Variants in DPYSL2 observed in about 807,000 individuals in gnomAD.
DPYSL2 encodes the protein dihydropyrimidinase-related protein 2.
DPYSL2 carries 13 observed loss-of-function variants against 69.9 expected under a neutral mutation model. That is an observed-to-expected ratio of 0.19 (90% CI 0.12 to 0.30). The LOEUF is 0.30. DPYSL2 is among the 10% of genes least tolerant of loss of function. DPYSL2 has a pLI of 1.00. For synonymous variants in DPYSL2, 326 were observed against 359.1 expected (o/e 0.91, Z 1.04); for missense variants, 587 against 918.9 (o/e 0.64, Z 4.67).
rs925167586 is a variant in DPYSL2, at chr8:26,556,677, C to T, written c.355-25292C>T. On this transcript the variant is annotated intron_variant, in intron 1 of 13. Coordinates refer to ENST00000521913, the MANE Select transcript of DPYSL2 (RefSeq NM_001197293.3). ...GATAGATGGATTGTCATGATCTTCC[C>T]GGTTTGATCCACACATTAGATACAA... Among the ~76,000 whole-genome samples the T allele has an allele frequency of 9.9e-5, 15 of 151,806 alleles. No individual in the cohort carries two copies. In the East Asian group the frequency reaches 1.7e-3, roughly 18 times the overall value.
intron 8 of DPYSL2, among the ~76,000 whole-genome samples, chr8:26,635,471 T>C (rs942048939): frequency 6.6e-5 from 10 of 152,206 alleles, no homozygotes; most frequent in South Asian, 2.1e-4. Flanking sequence ...TTCCAGTGCT[T>C]CCTCTAGAGG....
chr8:26,586,030 G>GAGGC lies in DPYSL2; in HGVS notation c.628+2048_628+2051dup. Among the ~76,000 whole-genome samples, 2 of 152,282 alleles carry GAGGC rather than the reference G, an allele frequency of 1.3e-5. No individual in the cohort carries two copies. Among genetic ancestry groups the GAGGC allele is most frequent in the Middle Eastern group, 3.4e-3 (1 of 294 alleles). On this transcript the variant is annotated intron_variant, in intron 3 of 13. Transcript: ENST00000521913. This position sits in a 1 kb window ranked among gnomAD's most constrained non-coding sequence, Gnocchi z 4.7. ...GAGGCAGGAGAATCTTTGAACCTGG[G>GAGGC]AGGCGGAGGTTGCAGGGAGCTGAGA...
chr8:26,531,413 A>G (rs1479577797), intron 1 of DPYSL2, among the ~76,000 whole-genome samples: 2 of 152,126 alleles, frequency 1.3e-5, no homozygotes, highest in African/African-American at 4.8e-5. Flanking sequence ...AAGAGATTTT[A>G]GGGCTGGAGA....
chr8:26,592,554 C>T (rs1483277121), intron 3 of DPYSL2, among the ~76,000 whole-genome samples: 1 of 150,932 alleles, frequency 6.6e-6, no homozygotes, highest in Non-Finnish European at 1.5e-5. Flanking sequence ...TGGCTCACTG[C>T]AACCTCCACC....
intron 3 of DPYSL2, among the ~76,000 whole-genome samples, chr8:26,615,624 A>G (rs956566213): frequency 4.6e-5 from 7 of 152,124 alleles, no homozygotes; most frequent in African/African-American, 1.4e-4. Context: ...TCTGTATACC[A>G]GTCCCCCTGC....
Position 26,593,284 on chromosome 8 carries a change from C to A in DPYSL2, c.628+9301C>A, listed in dbSNP as rs888805063. On this transcript the variant is annotated intron_variant, in intron 3 of 13. Coordinates refer to ENST00000521913, the MANE Select transcript of DPYSL2 (RefSeq NM_001197293.3). The surrounding 1 kb of genome is among the most constrained non-coding windows in gnomAD (Gnocchi z 5.7). ...ATTAGAATCCCCTGGGGAGTTGTAA[C>A]AAAATGCAGAGACCAGACCTTCTGA... 2.0e-5 allele frequency among the ~76,000 whole-genome samples: 3 copies of A among 152,038 alleles called. No homozygotes were observed. The highest frequency in any genetic ancestry group is 7.2e-5 in the African/African-American group (3 of 41,402).
At chr8:26,631,768 G>T (rs1174806564) in intron 7 of DPYSL2, among the ~76,000 whole-genome samples, 1 of 152,072 alleles carries the variant, frequency 6.6e-6, no homozygotes, top group Non-Finnish European at 1.5e-5. Flanking sequence ...GAGGCGAGGA[G>T]GGGGGATGCA....
At chr8:26,519,281 T>C (rs1031489265) in intron 1 of DPYSL2, among the ~76,000 whole-genome samples, 23 of 152,204 alleles carry the variant, frequency 1.5e-4, no homozygotes, top group Admixed American at 4.6e-4. Context: ...TATCATTGAA[T>C]GTCAGAGCTT....
At chr8:26,530,872 T>C (rs1313700866) in intron 1 of DPYSL2, among the ~76,000 whole-genome samples, 1 of 152,076 alleles carries the variant, frequency 6.6e-6, no homozygotes, top group Non-Finnish European at 1.5e-5. Flanking sequence ...CCTTATATGC[T>C]AGGTCTTGAC....
rs547864145 is a variant in DPYSL2, at chr8:26,586,806, C to T, written c.628+2823C>T. Among the ~76,000 whole-genome samples, 1 of 152,250 alleles carries T rather than the reference C, an allele frequency of 6.6e-6. No individual in the cohort carries two copies. The highest frequency in any genetic ancestry group is 2.1e-4 in the South Asian group (1 of 4,824). ...TGACCGCCTGCTCTGCTTCCTTGGC[C>T]AGAATGCTATGGCATTTGCACGGAG... On this transcript the variant is annotated intron_variant, in intron 3 of 13. Coordinates refer to ENST00000521913, the MANE Select transcript of DPYSL2 (RefSeq NM_001197293.3). This position sits in a 1 kb window ranked among gnomAD's most constrained non-coding sequence, Gnocchi z 4.7.
intron 1 of DPYSL2, among the ~76,000 whole-genome samples, chr8:26,550,774 C>A (rs1047120833): frequency 6.6e-6 from 1 of 152,126 alleles, no homozygotes; most frequent in African/African-American, 2.4e-5. Context: ...TGGCTCAGTG[C>A]AAGTCTGAAG....
chr8:26,597,082 A>C lies in DPYSL2; in HGVS notation c.628+13099A>C, dbSNP rs1801878122. Among the ~76,000 whole-genome samples the C allele has an allele frequency of 6.6e-6, 1 of 152,200 alleles. No individual in the cohort carries two copies. Among genetic ancestry groups the C allele is most frequent in the Non-Finnish European group, 1.5e-5 (1 of 68,038 alleles). On this transcript the variant is annotated intron_variant, in intron 3 of 13. Coordinates refer to ENST00000521913, the MANE Select transcript of DPYSL2 (RefSeq NM_001197293.3). The surrounding 1 kb of genome is among the most constrained non-coding windows in gnomAD (Gnocchi z 5.2). ...ATCAGATATCATACGTCTCCTACTA[A>C]GTGGGAGGCTGCACCCAGCATGGAA...
chr8:26,535,859 A>G (rs569835788), intron 1 of DPYSL2, among the ~76,000 whole-genome samples: 29 of 151,888 alleles, frequency 1.9e-4, no homozygotes, highest in African/African-American at 5.6e-4. Flanking sequence ...ACAAATTAAT[A>G]CGACTTTCTT....
intron 1 of DPYSL2, among the ~76,000 whole-genome samples, chr8:26,561,879 T>C (rs962695447): frequency 6.6e-6 from 1 of 152,172 alleles, no homozygotes; most frequent in African/African-American, 2.4e-5. Context: ...GCTCACCTCC[T>C]ACTGTGAGGC....
chr8:26,518,758 T>A (rs1422886473), intron 1 of DPYSL2, among the ~76,000 whole-genome samples: 1 of 152,244 alleles, frequency 6.6e-6, no homozygotes, highest in Non-Finnish European at 1.5e-5. Context: ...GGTTCATCTG[T>A]GTTGTAACAT....
chr8:26,588,726 A>C lies in DPYSL2; in HGVS notation c.628+4743A>C, dbSNP rs1195733812. Among the ~76,000 whole-genome samples, 1 of 152,010 alleles carries C rather than the reference A, an allele frequency of 6.6e-6. No individual in the cohort carries two copies. Among genetic ancestry groups the C allele is most frequent in the Non-Finnish European group, 1.5e-5 (1 of 67,988 alleles). On this transcript the variant is annotated intron_variant, in intron 3 of 13. Transcript: ENST00000521913. This position sits in a 1 kb window ranked among gnomAD's most constrained non-coding sequence, Gnocchi z 5.4. ...TTCTCCCCTGGCTGTGGCTCCCTGG[A>C]TGTGCATCAGGCACCTCCATCCAAC...
chr8:26,641,061 T>A lies in DPYSL2; in HGVS notation c.1127-2378T>A, dbSNP rs1198444120. On this transcript the variant is annotated intron_variant, in intron 8 of 13. Coordinates refer to ENST00000521913, the MANE Select transcript of DPYSL2 (RefSeq NM_001197293.3). This position sits in a 1 kb window ranked among gnomAD's most constrained non-coding sequence, Gnocchi z 4.1. ...TTCGCAGGGAGAGATAAGCCTGTGGTCAGCAGCATTCATCCCCATGGTATT... is the reference window on the plus strand; with the variant it reads ...TTCGCAGGGAGAGATAAGCCTGTGGACAGCAGCATTCATCCCCATGGTATT... 6.6e-6 allele frequency among the ~76,000 whole-genome samples: 1 copy of A among 152,162 alleles called. No individual in the cohort carries two copies. The highest frequency in any genetic ancestry group is 1.5e-5 in the Non-Finnish European group (1 of 68,034).
chr8:26,564,361 C>A lies in DPYSL2; in HGVS notation c.355-17608C>A, dbSNP rs1801117500. ...GCAATCGTGGTGAGGAGCACAGGGC[C>A]AGGGAGATGGGAACGGCTGGAGGAG... On this transcript the variant is annotated intron_variant, in intron 1 of 13. Transcript: ENST00000521913. The surrounding 1 kb of genome is among the most constrained non-coding windows in gnomAD (Gnocchi z 4.8). Among the ~76,000 whole-genome samples the A allele has an allele frequency of 6.6e-6, 1 of 152,006 alleles. No individual in the cohort carries two copies. The highest frequency in any genetic ancestry group is 2.4e-5 in the African/African-American group (1 of 41,370).
chr8:26,523,012 A>T (rs1808413958), intron 1 of DPYSL2, among the ~76,000 whole-genome samples: 1 of 152,112 alleles, frequency 6.6e-6, no homozygotes, highest in African/African-American at 2.4e-5. Context: ...AAATTCATTT[A>T]GAATAGCATT....
Sources: allele counts gnomAD v4.1 joint callset (sites outside exome capture counted in the v4.1 genomes callset), GRCh38; gene constraint gnomAD v4.1.1; non-coding constraint Gnocchi (gnomAD v3.1); transcripts MANE v1.5; gene names NCBI Gene and HGNC (gene_info 2026-07-23, HGNC 2026-07-21).